Variants in MLLT11 observed in about 807,000 individuals in gnomAD.
MLLT11 encodes protein AF1q.
Under a neutral mutation model 5.3 loss-of-function variants are expected in MLLT11, and 1 was observed. That is an observed-to-expected ratio of 0.19 (90% CI 0.07 to 0.89). MLLT11 has a LOEUF of 0.89. Ranked by LOEUF, MLLT11 falls within the 40% of genes least tolerant of loss-of-function variation. The pLI, the probability that MLLT11 is intolerant of heterozygous loss-of-function variation, is 0.67. For synonymous variants in MLLT11, 38 were observed against 41.7 expected, an observed-to-expected ratio of 0.91 and a Z score of 0.34; for missense variants, 87 against 107.3, an observed-to-expected ratio of 0.81 and a Z score of 0.83.
At position 151,069,244 on chromosome 1, in the gene MLLT11, A is replaced by G. The variant is rs1676531101; in HGVS notation, c.*1747A>G. 1.3e-5 allele frequency among the ~76,000 whole-genome samples: 2 copies of G among 152,160 alleles called. No individual in the cohort carries two copies. The highest frequency in any genetic ancestry group is 1.3e-4 in the Admixed American group (2 of 15,272). On this transcript the variant is annotated 3_prime_UTR_variant, in exon 2 of 2. Transcript: ENST00000368921. Reference sequence around the variant, plus strand: ...CTCAAAAGAGAAACTGTAAATACCAATATGGATAGGACAGAATTGGGCAGT... The same window carrying G: ...CTCAAAAGAGAAACTGTAAATACCAGTATGGATAGGACAGAATTGGGCAGT...
Position 151,069,443 on chromosome 1 carries a change from T to C in MLLT11, c.*1946T>C, listed in dbSNP as rs1167102425. Among the ~76,000 whole-genome samples, 1 of 152,210 alleles carries C rather than the reference T, an allele frequency of 6.6e-6. No individual in the cohort carries two copies. The highest frequency in any genetic ancestry group is 2.4e-5 in the African/African-American group (1 of 41,444). Reference sequence around the variant, plus strand: ...AGGATAAGTAGTGCGTCCTTTTCTATTTTTACTGAGTTTTGAAGGGCCCCT... The same window carrying C: ...AGGATAAGTAGTGCGTCCTTTTCTACTTTTACTGAGTTTTGAAGGGCCCCT... On this transcript the variant is annotated 3_prime_UTR_variant, in exon 2 of 2. Coordinates refer to ENST00000368921, the MANE Select transcript of MLLT11 (RefSeq NM_006818.4).
chr1:151,065,486 T>C (rs1676464375), intron 1 of MLLT11, among the ~76,000 whole-genome samples: 2 of 152,182 alleles, frequency 1.3e-5, no homozygotes, highest in African/African-American at 4.8e-5. Flanking sequence ...CTTTTCCCCA[T>C]TCAGAAGGCA....
chr1:151,064,319 AG>A (rs1363654039), intron 1 of MLLT11, among the ~76,000 whole-genome samples: 1 of 152,198 alleles, frequency 6.6e-6, no homozygotes, highest in Non-Finnish European at 1.5e-5. Flanking sequence ...GCACCTGGCT[AG>A]GAAAGTTCTT....
In MLLT11 at chr1:151,067,840, T is replaced by A. The variant is rs1447661572; in HGVS notation, c.*343T>A. 3.3e-6 allele frequency: 1 copy of A among 304,036 alleles called. No individual in the cohort carries two copies. The highest frequency in any genetic ancestry group is 6.5e-6 in the Non-Finnish European group (1 of 153,186). The allele number at this position is 304,036 out of a possible 1,614,324, so 18.8% of individuals were successfully genotyped here. On this transcript the variant is annotated 3_prime_UTR_variant, in exon 2 of 2. Transcript: ENST00000368921. Reference sequence around the variant, plus strand: ...GGAAGACTGATTTTTGACTCTATTATAATCAGCTTCAGAGATTCCTTAAAC... The same window carrying A: ...GGAAGACTGATTTTTGACTCTATTAAAATCAGCTTCAGAGATTCCTTAAAC...
chr1:151,066,494 G>T (rs1189627743), intron 1 of MLLT11, among the ~76,000 whole-genome samples: 1 of 152,170 alleles, frequency 6.6e-6, no homozygotes, highest in Non-Finnish European at 1.5e-5. Context: ...AGACAGGAAT[G>T]AGCATAACTG....
At chr1:151,062,041 G>T (rs1015448923) in intron 1 of MLLT11, among the ~76,000 whole-genome samples, 1 of 151,664 alleles carries the variant, frequency 6.6e-6, no homozygotes, top group Non-Finnish European at 1.5e-5. Context: ...TCAGTTTGTC[G>T]AAGAGCTTTT....
rs779227356 is a variant in MLLT11 at position 151,067,176 on chromosome 1, G to T, written c.-6-43G>T. ...GCAAGGAAAGGCCATGGGCCACAAA[G>T]AAGTTGCTGTAGCATGAAGACTGAC... On this transcript the variant is annotated intron_variant, in intron 1 of 1. Coordinates refer to ENST00000368921, the MANE Select transcript of MLLT11 (RefSeq NM_006818.4). 3.2e-6 allele frequency: 5 copies of T among 1,570,480 alleles called. No individual in the cohort carries two copies. The African/African-American group carries it at 5.5e-5, about 17-fold the overall frequency.
chr1:151,065,144 G>A (rs1349261143), intron 1 of MLLT11, among the ~76,000 whole-genome samples: 1 of 152,104 alleles, frequency 6.6e-6, no homozygotes, highest in African/African-American at 2.4e-5. Flanking sequence ...TTACATTAGT[G>A]AATAGCACTT....
In MLLT11 at chr1:151,068,065, A is replaced by G; in HGVS notation, c.*568A>G. On this transcript the variant is annotated 3_prime_UTR_variant, in exon 2 of 2. Coordinates refer to ENST00000368921, the MANE Select transcript of MLLT11 (RefSeq NM_006818.4). Reference sequence around the variant, plus strand: ...AGAAATCAGGAGGGTAGTTAGAGGTATAAAACAGGAGGAAATATTATGGAA... The same window carrying G: ...AGAAATCAGGAGGGTAGTTAGAGGTGTAAAACAGGAGGAAATATTATGGAA... 4.2e-6 allele frequency: 1 copy of G among 240,934 alleles called. No individual in the cohort carries two copies. Among genetic ancestry groups the G allele is most frequent in the Middle Eastern group, 1.4e-3 (1 of 738 alleles). The allele number at this position is 240,934 out of a possible 1,614,324, so 14.9% of individuals were successfully genotyped here.
intron 1 of MLLT11, 102 bp from the exon 2 acceptor site, chr1:151,067,115 AAG>A: frequency 4.2e-5 from 41 of 969,852 alleles, no homozygotes; most frequent in Admixed American, 1.0e-4. Context: ...AAAAAAAAAA[AAG>A]AAATTCCTTT....
intron 1 of MLLT11, among the ~76,000 whole-genome samples, chr1:151,064,773 G>A (rs1258450138): frequency 6.6e-6 from 1 of 152,002 alleles, no homozygotes; most frequent in African/African-American, 2.4e-5. Context: ...GACAAAGGAT[G>A]TTTGGGCGTG....
In MLLT11 at chr1:151,062,343, A is replaced by AT. The variant is rs71580356; in HGVS notation, c.-7+1796dup. Among the ~76,000 whole-genome samples, 382 of 149,516 alleles carry AT rather than the reference A, an allele frequency of 2.6e-3. 2 individuals are homozygous for AT. Among genetic ancestry groups the AT allele is most frequent in the Middle Eastern group, 0.014 (4 of 292 alleles). On this transcript the variant is annotated intron_variant, in intron 1 of 1. Coordinates refer to ENST00000368921, the MANE Select transcript of MLLT11 (RefSeq NM_006818.4). ...TGTCTTCTAGTTTTAAAATTCTATGATTTTTTCCCCCCATGATTCTATTTT... is the reference window on the plus strand; with the variant it reads ...TGTCTTCTAGTTTTAAAATTCTATGATTTTTTTCCCCCCATGATTCTATTTT...
At chr1:151,065,845 G>C (rs1676468920) in intron 1 of MLLT11, among the ~76,000 whole-genome samples, 1 of 152,052 alleles carries the variant, frequency 6.6e-6, no homozygotes, top group Admixed American at 6.5e-5. Flanking sequence ...GTTTTGTTTT[G>C]TCTTTTTGTT....
chr1:151,063,434 T>C (rs1017934609), intron 1 of MLLT11, among the ~76,000 whole-genome samples: 7 of 152,082 alleles, frequency 4.6e-5, no homozygotes, highest in Non-Finnish European at 1.0e-4. Context: ...TATTTATTAT[T>C]ATTATTATTG....
chr1:151,068,495 G>A lies in MLLT11; in HGVS notation c.*998G>A, dbSNP rs112190090. On this transcript the variant is annotated 3_prime_UTR_variant, in exon 2 of 2. Transcript: ENST00000368921. ...TATTTAATAAAGACATTCAATCCCA[G>A]GACTGGAGTCTAATTTTCTCTCTTC... The A allele has an allele frequency of 1.4e-5, 3 of 209,618 alleles. No individual in the cohort carries two copies. Among genetic ancestry groups the A allele is most frequent in the African/African-American group, 6.9e-5 (3 of 43,258 alleles). 13.0% of individuals were successfully genotyped at this position (209,618 alleles called of 1,614,324 possible).
At chr1:151,060,879 A>G (rs1157622323) in intron 1 of MLLT11, among the ~76,000 whole-genome samples, 1 of 152,042 alleles carries the variant, frequency 6.6e-6, no homozygotes, top group Non-Finnish European at 1.5e-5. Flanking sequence ...CAGCTGTTTA[A>G]TTTTTAGTCC....
At chr1:151,064,031 C>CTACT (rs1676443254) in intron 1 of MLLT11, among the ~76,000 whole-genome samples, 2 of 148,674 alleles carry the variant, frequency 1.3e-5, no homozygotes, top group African/African-American at 2.6e-5. Flanking sequence ...TTTATTATTA[C>CTACT]TTTTTTTGAG....
intron 1 of MLLT11, among the ~76,000 whole-genome samples, chr1:151,061,146 G>A (rs1020966636): frequency 1.3e-5 from 2 of 152,178 alleles, no homozygotes; most frequent in Non-Finnish European, 2.9e-5. Context: ...ATAGCCCACA[G>A]GAGCTAGGTA....
In MLLT11 at chr1:151,067,406, C is replaced by T; in HGVS notation, c.182C>T (p.Pro61Leu). The change falls in exon 2 of 2, where the codon CCT becomes CTT. Residue 61 changes from proline (P) to leucine (L), a missense_variant. Physicochemically the swap from Pro to Leu is moderately conservative, Grantham distance 98. Transcript: ENST00000368921. ...ACTGCAGCAGACCAGGAGAAAAACC[C>T]TGAAGGTGATGGCCTCCTTGAGTAC... is the stretch of plus-strand genomic sequence containing the variant. ...QATAADQEKNPEGDGLLEYST... is the reference protein window; with the variant it reads ...QATAADQEKNLEGDGLLEYST... 6.2e-7 allele frequency: 1 copy of T among 1,614,194 alleles called. No homozygotes were observed. Among genetic ancestry groups the T allele is most frequent in the Non-Finnish European group, 8.5e-7 (1 of 1,180,044 alleles).
Sources: allele counts gnomAD v4.1 joint callset (sites outside exome capture counted in the v4.1 genomes callset), GRCh38; gene constraint gnomAD v4.1.1; transcripts MANE v1.5; gene names NCBI Gene and HGNC (gene_info 2026-07-23, HGNC 2026-07-21).